Variants in CD6 observed in about 807,000 individuals in gnomAD.
The protein encoded by CD6 is T-cell differentiation antigen CD6.
Under a neutral mutation model 75.3 loss-of-function variants are expected in CD6, and 53 were observed. The ratio of observed to expected loss-of-function variants is 0.70; its 90% CI spans 0.56 to 0.88. The LOEUF is 0.88. CD6 is among the 40% of genes least tolerant of loss of function. The pLI is 0.00. For missense variants in CD6, 770 were observed against 897.1 expected, an observed-to-expected ratio of 0.86 and a Z score of 1.81; for synonymous variants, 359 against 381.5, an observed-to-expected ratio of 0.94 and a Z score of 0.69.
At position 61,018,027 on chromosome 11, in the gene CD6, C is replaced by T. The variant is rs764358178; in HGVS notation, c.1837+14C>T. 4 of 1,607,522 alleles carry T rather than the reference C, an allele frequency of 2.5e-6. No individual in the cohort carries two copies. Among genetic ancestry groups the T allele is most frequent in the African/African-American group, 2.7e-5 (2 of 74,788 alleles). On this transcript the variant is annotated intron_variant, in intron 11 of 12. Coordinates refer to ENST00000313421, the MANE Select transcript of CD6 (RefSeq NM_006725.5). ...CAGCCTTTTCAGGTAAGCTGTGCCT[C>T]CCCCAAACCCCCATCCCATAGCCAG... is the stretch of plus-strand genomic sequence containing the variant.
chr11:60,982,116 T>TTGGCGG (rs10657241), intron 1 of CD6, among the ~76,000 whole-genome samples: 12 of 19,014 alleles, frequency 6.3e-4, no homozygotes, highest in East Asian at 1.9e-3. Flanking sequence ...GATGCCCGGG[T>TTGGCGG]GGGGGGCGGT....
chr11:61,008,928 G>T, intron 4 of CD6, 83 bp downstream of exon 4: 1 of 1,211,106 alleles, frequency 8.3e-7, no homozygotes, highest in East Asian at 2.6e-5. Flanking sequence ...AGTTAGTGCC[G>T]GAGAGGTGGT....
intron 1 of CD6, among the ~76,000 whole-genome samples, chr11:60,995,952 A>C (rs1229356479): frequency 6.6e-6 from 1 of 152,126 alleles, no homozygotes; most frequent in East Asian, 1.9e-4. Flanking sequence ...GGAGTTTGGA[A>C]AGCCTCCAGG....
intron 1 of CD6, among the ~76,000 whole-genome samples, chr11:60,974,161 T>A (rs1237810998): frequency 6.6e-6 from 1 of 152,114 alleles, no homozygotes; most frequent in Non-Finnish European, 1.5e-5. Context: ...GCTGGGATAA[T>A]GAAGTGCGTG....
chr11:60,986,991 G>A (rs1857844258), intron 1 of CD6, among the ~76,000 whole-genome samples: 1 of 152,200 alleles, frequency 6.6e-6, no homozygotes, highest in South Asian at 2.1e-4. Flanking sequence ...AGTTGGGTGA[G>A]GTGGCACGCG....
In CD6 at chr11:61,017,831, T is replaced by C; in HGVS notation, c.1655T>C (p.Leu552Pro). 5 of 1,614,130 alleles carry C rather than the reference T, an allele frequency of 3.1e-6. No individual in the cohort carries two copies. Among genetic ancestry groups the C allele is most frequent in the Non-Finnish European group, 4.2e-6 (5 of 1,180,024 alleles). Reference sequence around the variant, plus strand: ...CACTGCATTACAGACCCGCCATCCCTGGGCCCTCAGTATCACCCGAGGAGC... The same window carrying C: ...CACTGCATTACAGACCCGCCATCCCCGGGCCCTCAGTATCACCCGAGGAGC... Reference protein sequence around the residue: ...PGHCITDPPSLGPQYHPRSNS... With the variant: ...PGHCITDPPSPGPQYHPRSNS... Residue 552 changes from leucine (L) to proline (P), a missense_variant, in exon 11 of 13, where the codon CTG becomes CCG. Physicochemically the swap from Leu to Pro is moderately conservative, Grantham distance 98. Transcript: ENST00000313421.
At chr11:61,014,291 A>G (rs1859299055) in intron 8 of CD6, among the ~76,000 whole-genome samples, 1 of 152,236 alleles carries the variant, frequency 6.6e-6, no homozygotes, top group Non-Finnish European at 1.5e-5. Flanking sequence ...TTCTCAGAGG[A>G]AAGCTCTGTT....
chr11:60,977,774 C>T (rs548813849), intron 1 of CD6, among the ~76,000 whole-genome samples: 4 of 152,202 alleles, frequency 2.6e-5, no homozygotes, highest in African/African-American at 7.2e-5. Context: ...GGATTACAGG[C>T]GCCTGACACC....
intron 1 of CD6, among the ~76,000 whole-genome samples, chr11:60,994,844 C>T (rs991360478): frequency 5.9e-5 from 9 of 152,202 alleles, no homozygotes; most frequent in African/African-American, 2.2e-4. Context: ...AAGCACCAAA[C>T]TGCTGACTTT....
intron 1 of CD6, among the ~76,000 whole-genome samples, chr11:60,992,622 G>A (rs1205676041): frequency 1.3e-5 from 2 of 152,022 alleles, no homozygotes; most frequent in Non-Finnish European, 2.9e-5. Flanking sequence ...GAGGTCAGGA[G>A]TTCAAGACCA....
Position 60,992,861 on chromosome 11 carries a change from A to C in CD6, c.50-13713A>C, listed in dbSNP as rs1858125835. Among the ~76,000 whole-genome samples the C allele has an allele frequency of 1.3e-5, 2 of 151,784 alleles. 1 individual carries two copies. Among genetic ancestry groups the C allele is most frequent in the Admixed American group, 1.3e-4 (2 of 15,244 alleles). ...AAAAAAAATAAAAAAATTAAAATTAAAATAAATAAATAAATAAAAGAAGCA... is the reference window on the plus strand; with the variant it reads ...AAAAAAAATAAAAAAATTAAAATTACAATAAATAAATAAATAAAAGAAGCA... On this transcript the variant is annotated intron_variant, in intron 1 of 12. Transcript: ENST00000313421.
chr11:60,998,485 G>A (rs188030009), intron 1 of CD6, among the ~76,000 whole-genome samples: 4 of 152,304 alleles, frequency 2.6e-5, no homozygotes, highest in Admixed American at 2.6e-4. Context: ...AGGTCATGTA[G>A]CAAGTTAATG....
intron 6 of CD6, among the ~76,000 whole-genome samples, chr11:61,012,953 GC>G (rs1324872895): frequency 1.3e-5 from 2 of 152,186 alleles, no homozygotes; most frequent in African/African-American, 4.8e-5. Flanking sequence ...AGGGCCTCAT[GC>G]CCCCAGTGTC....
At chr11:61,018,578 C>A in intron 12 of CD6, 185 bp downstream of exon 12, 1 of 576,670 alleles carries the variant, frequency 1.7e-6, no homozygotes. Context: ...CCTGTAATCC[C>A]AGCACAAGGC....
chr11:61,012,460 A>C (rs1473800240), intron 6 of CD6, among the ~76,000 whole-genome samples: 1 of 152,098 alleles, frequency 6.6e-6, no homozygotes, highest in East Asian at 1.9e-4. Context: ...CCTGGCCCAA[A>C]CTTCCCCATT....
chr11:61,017,708 C>T lies in CD6; in HGVS notation c.1583-51C>T, dbSNP rs759256604. On this transcript the variant is annotated intron_variant, in intron 10 of 12. Transcript: ENST00000313421. ...GTGCTTTCTGAAGTCTGACTTAAAG[C>T]CCTCTTGCTGCACTGCTTCTTTCGT... The T allele has an allele frequency of 2.5e-6, 4 of 1,610,656 alleles. No homozygotes were observed. In the South Asian group the frequency reaches 3.3e-5, roughly 13 times the overall value.
At chr11:60,992,053 G>A (rs1858085951) in intron 1 of CD6, among the ~76,000 whole-genome samples, 1 of 151,984 alleles carries the variant, frequency 6.6e-6, no homozygotes, top group African/African-American at 2.4e-5. Flanking sequence ...CTAATTTTTT[G>A]AATTTTGGTA....
chr11:60,986,489 GCTCTAGGTAGATGCTAAAGCCTTCC>G (rs1857821033), intron 1 of CD6, among the ~76,000 whole-genome samples: 1 of 152,156 alleles, frequency 6.6e-6, no homozygotes, highest in Admixed American at 6.5e-5. Flanking sequence ...CAGCTTTTGC[GCTCTAGGTAGATGCTAAAGCCTTCC>G]CTGAAGATCT....
chr11:60,972,673 G>A (rs895262915), intron 1 of CD6, among the ~76,000 whole-genome samples: 2 of 152,194 alleles, frequency 1.3e-5, no homozygotes, highest in Non-Finnish European at 2.9e-5. Context: ...CACATTTTGG[G>A]ATTTGGGAAG....
Sources: allele counts gnomAD v4.1 joint callset (sites outside exome capture counted in the v4.1 genomes callset), GRCh38; gene constraint gnomAD v4.1.1; transcripts MANE v1.5; gene names NCBI Gene and HGNC (gene_info 2026-07-23, HGNC 2026-07-21).